The following UNC5D variants were observed in gnomAD, a reference collection of about 807,000 sequenced individuals.
UNC5D encodes unc-5 netrin receptor D, also known as netrin receptor UNC5D.
In UNC5D, 39 loss-of-function variants were observed where a neutral mutation model predicts 105.4. That is an observed-to-expected ratio of 0.37 (90% CI 0.29 to 0.48). The LOEUF (loss-of-function observed/expected upper bound fraction) is 0.48. UNC5D is among the 20% of genes least tolerant of loss of function. The pLI, the probability that UNC5D is intolerant of heterozygous loss-of-function variation, is 0.98. For synonymous variants in UNC5D, 452 were observed against 450.4 expected, an observed-to-expected ratio of 1.00 and a Z score of -0.04; for missense variants, 991 against 1,202.4, an observed-to-expected ratio of 0.82 and a Z score of 2.60.
At chr8:35,743,426 C>T (rs1443385509) in intron 11 of UNC5D, among the ~76,000 whole-genome samples, 6 of 151,528 alleles carry the variant, frequency 4.0e-5, no homozygotes, top group Admixed American at 2.0e-4. Context: ...TGCACCACCA[C>T]GCCTGACTAA....
intron 1 of UNC5D, among the ~76,000 whole-genome samples, chr8:35,324,651 G>A (rs1466263535): frequency 2.0e-5 from 3 of 152,118 alleles, no homozygotes; most frequent in Non-Finnish European, 4.4e-5. Flanking sequence ...ATATAGTCAA[G>A]TAAAATCTCA....
chr8:35,505,805 A>G (rs533775747), intron 1 of UNC5D, among the ~76,000 whole-genome samples: 1 of 152,338 alleles, frequency 6.6e-6, no homozygotes, highest in East Asian at 1.9e-4. Flanking sequence ...GATTTTGCAC[A>G]GTGGTTGGCT....
intron 1 of UNC5D, among the ~76,000 whole-genome samples, chr8:35,348,937 A>T (rs1812006246): frequency 6.6e-6 from 1 of 151,926 alleles, no homozygotes; most frequent in African/African-American, 2.4e-5. Context: ...AGAAACAATA[A>T]AACCCATTAT....
intron 1 of UNC5D, among the ~76,000 whole-genome samples, chr8:35,386,746 A>G (rs934271338): frequency 2.6e-5 from 4 of 152,236 alleles, no homozygotes; most frequent in Non-Finnish European, 4.4e-5. Context: ...GGCTTTCCAC[A>G]TTAAATTTAA....
intron 2 of UNC5D, among the ~76,000 whole-genome samples, chr8:35,560,505 T>C (rs1208444929): frequency 1.3e-5 from 2 of 152,242 alleles, no homozygotes; most frequent in African/African-American, 2.4e-5. Flanking sequence ...TGTATTTGTA[T>C]GTATATCATT....
intron 1 of UNC5D, among the ~76,000 whole-genome samples, chr8:35,412,237 G>C (rs1232361156): frequency 6.6e-6 from 1 of 151,854 alleles, no homozygotes. Flanking sequence ...CCCTCCATTG[G>C]GCACCAGTTA....
intron 7 of UNC5D, among the ~76,000 whole-genome samples, chr8:35,702,443 C>G (rs1827273262): frequency 6.6e-6 from 1 of 151,842 alleles, no homozygotes; most frequent in Non-Finnish European, 1.5e-5. Context: ...TAATATGCAG[C>G]CAACACCACT....
chr8:35,458,088 A>ACTG (rs1808621310), intron 1 of UNC5D, among the ~76,000 whole-genome samples: 1 of 152,124 alleles, frequency 6.6e-6, no homozygotes. Context: ...ACTGGAGAGC[A>ACTG]CTGCTGCCTG....
chr8:35,418,502 C>G (rs1163111189), intron 1 of UNC5D, among the ~76,000 whole-genome samples: 2 of 152,162 alleles, frequency 1.3e-5, no homozygotes, highest in Non-Finnish European at 2.9e-5. Flanking sequence ...ATATAGACCC[C>G]TGTTGCAGGC....
intron 4 of UNC5D, among the ~76,000 whole-genome samples, chr8:35,675,703 C>T (rs929241113): frequency 6.6e-6 from 1 of 151,826 alleles, no homozygotes; most frequent in Non-Finnish European, 1.5e-5. Flanking sequence ...GGCCTGGGGT[C>T]CTGCATATGA....
intron 4 of UNC5D, among the ~76,000 whole-genome samples, chr8:35,609,197 G>A (rs10093193): frequency 7.0e-4 from 107 of 152,106 alleles, no homozygotes; most frequent in African/African-American, 2.5e-3. Context: ...TTGGCCATTT[G>A]TATGTCTTCT....
intron 1 of UNC5D, among the ~76,000 whole-genome samples, chr8:35,538,434 T>A (rs1223485874): frequency 8.8e-6 from 1 of 113,450 alleles, no homozygotes; most frequent in African/African-American, 3.6e-5. Context: ...TATATATATA[T>A]ATATATGAAT....
At chr8:35,553,060 C>T (rs148549027) in intron 2 of UNC5D, among the ~76,000 whole-genome samples, 10 of 152,122 alleles carry the variant, frequency 6.6e-5, no homozygotes, top group East Asian at 1.9e-4. Flanking sequence ...TCAAAATAGC[C>T]GAATCCCATT....
intron 7 of UNC5D, among the ~76,000 whole-genome samples, chr8:35,686,955 T>C (rs932863164): frequency 6.6e-6 from 1 of 152,224 alleles, no homozygotes; most frequent in African/African-American, 2.4e-5. Context: ...TTTGATAACA[T>C]TTTAAGAGTA....
chr8:35,525,745 C>T (rs985359038), intron 1 of UNC5D: 14 of 1,566,662 alleles, frequency 8.9e-6, no homozygotes, highest in Admixed American at 1.9e-5. Flanking sequence ...CTGAAGTACT[C>T]GCCCGGAGGA....
chr8:35,670,677 G>C (rs1458493582), intron 4 of UNC5D, among the ~76,000 whole-genome samples: 1 of 152,040 alleles, frequency 6.6e-6, no homozygotes, highest in Non-Finnish European at 1.5e-5. Context: ...ATGGACACAG[G>C]GAGGGGATCA....
At chr8:35,400,313 G>C (rs147995917) in intron 1 of UNC5D, among the ~76,000 whole-genome samples, 1 of 151,938 alleles carries the variant, frequency 6.6e-6, no homozygotes. Context: ...CCTTTAAGAT[G>C]CCTATATTGT....
chr8:35,703,192 T>G (rs531105893), intron 7 of UNC5D, among the ~76,000 whole-genome samples: 1 of 152,260 alleles, frequency 6.6e-6, no homozygotes, highest in Admixed American at 6.5e-5. Flanking sequence ...GGCATTTTTT[T>G]TTTTTTACTC....
rs11380512 is a variant in UNC5D, at chr8:35,749,989, T to TAAAAAAAAAAAAAAAAAAAAAA, written c.1936-581_1936-580insAAAAAAAAAAAAAAAAAAAAAA. ...TTTAAAGAGTTGTCAGAAATAGTTGTAAAAAAAAAAAAGTTTGCTTATTGA... is the reference window on the plus strand; with the variant it reads ...TTTAAAGAGTTGTCAGAAATAGTTGTAAAAAAAAAAAAAAAAAAAAAAAAAAAAAAAAAAGTTTGCTTATTGA... On this transcript the variant is annotated intron_variant, in intron 12 of 16. Coordinates refer to ENST00000404895, the MANE Select transcript of UNC5D (RefSeq NM_080872.4). 2.2e-5 allele frequency among the ~76,000 whole-genome samples: 3 copies of TAAAAAAAAAAAAAAAAAAAAAA among 136,926 alleles called. 1 individual carries two copies. The highest frequency in any genetic ancestry group is 1.0e-4 in the African/African-American group (3 of 29,910). The allele number at this position is 136,926 out of a possible 152,430, so 89.8% of individuals were successfully genotyped here.
Sources: gnomAD v4.1 joint callset for allele counts (sites outside exome capture counted in the v4.1 genomes callset) on GRCh38, gnomAD v4.1.1 for gene constraint, MANE v1.5 for transcripts, NCBI Gene and HGNC (gene_info 2026-07-23, HGNC 2026-07-21) for gene names.